Variants in CMYA5 observed in about 807,000 individuals in gnomAD.
CMYA5 encodes the protein cardiomyopathy associated 5.
Under a neutral mutation model 318.9 loss-of-function variants are expected in CMYA5, and 246 were observed. The observed-to-expected ratio is 0.77, with a 90% CI of 0.70 to 0.86. CMYA5 has a LOEUF of 0.86. Among genes scored for constraint, CMYA5 ranks in the 40% least tolerant of loss-of-function variants. CMYA5 has a pLI of 0.00. For missense variants in CMYA5, 4,589 were observed against 4,678.2 expected (o/e 0.98, Z 0.56); for synonymous variants, 1,641 against 1,729.5 (o/e 0.95, Z 1.27).
intron 5 of CMYA5, among the ~76,000 whole-genome samples, chr5:79,747,759 C>A (rs1237029109): frequency 6.6e-6 from 1 of 152,212 alleles, no homozygotes; most frequent in African/African-American, 2.4e-5. Flanking sequence ...TCCAACAGAT[C>A]TGACACGTTC....
At chr5:79,763,236 C>T in intron 9 of CMYA5, 27 bp downstream of exon 9, 1 of 1,554,102 alleles carries the variant, frequency 6.4e-7, no homozygotes, top group Non-Finnish European at 8.7e-7. Flanking sequence ...ATGGGAGAGA[C>T]TGCCCAGAGC....
Position 79,770,253 on chromosome 5 carries a change from AT to A in CMYA5, c.11555+7045del, listed in dbSNP as rs1408939426. Among the ~76,000 whole-genome samples, 480 of 152,190 alleles carry A rather than the reference AT, an allele frequency of 3.2e-3. 1 individual carries two copies. Among genetic ancestry groups the A allele is most frequent in the African/African-American group, 0.011 (457 of 41,514 alleles). On this transcript the variant is annotated intron_variant, in intron 9 of 12. Transcript: ENST00000446378. ...GCTTGCTGGGCTCCTTGGGGGTGGG[AT>A]CCACTGAGCTAGACCACTTGGCTCC... is the stretch of plus-strand genomic sequence containing the variant.
intron 11 of CMYA5, among the ~76,000 whole-genome samples, chr5:79,792,407 T>C (rs547642440): frequency 5.9e-5 from 9 of 152,310 alleles, no homozygotes; most frequent in Admixed American, 4.6e-4. Context: ...ATAAATAGAC[T>C]GGAGGAGGGT....
chr5:79,705,568 C>T (rs758998786), intron 1 of CMYA5, among the ~76,000 whole-genome samples: 2 of 152,012 alleles, frequency 1.3e-5, no homozygotes, highest in South Asian at 2.1e-4. Flanking sequence ...CTTTTATTTC[C>T]CACCCACACA....
chr5:79,796,094 C>G lies in CMYA5; in HGVS notation c.11963+2484C>G, dbSNP rs552411662. On this transcript the variant is annotated intron_variant, in intron 12 of 12. Transcript: ENST00000446378. ...GGAATACCTTTCCCTACTTGGCCTC[C>G]CAGGTAGGGATTGGCTCAAGGAATG... Among the ~76,000 whole-genome samples, 173 of 77,426 alleles carry G rather than the reference C, an allele frequency of 2.2e-3. 1 individual carries two copies. The East Asian group carries it at 0.041, about 18-fold the overall frequency. 50.8% of individuals were successfully genotyped at this position (77,426 alleles called of 152,430 possible).
chr5:79,765,324 C>T (rs1020120874), intron 9 of CMYA5, among the ~76,000 whole-genome samples: 3 of 152,038 alleles, frequency 2.0e-5, no homozygotes, highest in Admixed American at 1.3e-4. Context: ...TTTCTGAGGC[C>T]TCTGTTCTGT....
At position 79,735,201 on chromosome 5, in the gene CMYA5, CCAGAGTCACCTGAGGTGACA is replaced by C; in HGVS notation, c.6439_6458del (p.Glu2147LysfsTer10). The C allele has an allele frequency of 6.2e-7, 1 of 1,613,800 alleles. No homozygotes were observed. The highest frequency in any genetic ancestry group is 8.5e-7 in the Non-Finnish European group (1 of 1,179,796). ...AATCCATGCAAGAGAGCCTCAATCC[CCAGAGTCACCTGAGGTGACA>C]CAAAATCCACCTACACAACCAAAGG... On this transcript the variant is annotated frameshift_variant, in exon 2 of 13. Coordinates refer to ENST00000446378, the MANE Select transcript of CMYA5 (RefSeq NM_153610.5). LOFTEE classifies it high-confidence loss of function.
In CMYA5 at chr5:79,771,092, CT is replaced by C. The variant is rs1200549627; in HGVS notation, c.11555+7887del. ...GGAAAAAAAAAAAAAAAAAACCAGACTTTTATTGAGCATTTACTATGTGCCA... is the reference window on the plus strand; with the variant it reads ...GGAAAAAAAAAAAAAAAAAACCAGACTTTATTGAGCATTTACTATGTGCCA... On this transcript the variant is annotated intron_variant, in intron 9 of 12. Coordinates refer to ENST00000446378, the MANE Select transcript of CMYA5 (RefSeq NM_153610.5). 1.7e-4 allele frequency among the ~76,000 whole-genome samples: 25 copies of C among 150,384 alleles called. No individual in the cohort carries two copies. The East Asian group carries it at 4.9e-3, about 30-fold the overall frequency.
Position 79,745,361 on chromosome 5 carries a change from T to C in CMYA5, c.10874T>C (p.Met3625Thr), listed in dbSNP as rs1265464336. ...AAGATGGAGTTCCTGCATGAGCAGA[T>C]GGTCCACTTTCTGCAGAGCATGGAC... ...KKKMEFLHEQ[M>T]VHFLQSMDTA... Residue 3625 changes from methionine to threonine, a missense_variant, in exon 4 of 13, where the codon ATG (methionine) becomes ACG (threonine). By Grantham distance (81) the Met-to-Thr change is moderately conservative. Around this residue, in one of 3 missense-constraint regions of CMYA5, gnomAD observed 2,431 missense variants for 2,495.1 expected, o/e 0.97. Transcript: ENST00000446378. 7 of 1,613,788 alleles carry C rather than the reference T, an allele frequency of 4.3e-6. No homozygotes were observed. Among genetic ancestry groups the C allele is most frequent in the Non-Finnish European group, 5.9e-6 (7 of 1,179,828 alleles).
intron 1 of CMYA5, among the ~76,000 whole-genome samples, chr5:79,703,567 G>A (rs1827212774): frequency 6.6e-6 from 1 of 152,170 alleles, no homozygotes; most frequent in South Asian, 2.1e-4. Flanking sequence ...CTCCTTTGGA[G>A]AATTGTCACC....
chr5:79,702,856 C>G (rs1827198486), intron 1 of CMYA5, among the ~76,000 whole-genome samples: 1 of 152,184 alleles, frequency 6.6e-6, no homozygotes, highest in African/African-American at 2.4e-5. Context: ...TGTGCTATTG[C>G]CACATCCACA....
chr5:79,736,307 A>G lies in CMYA5; in HGVS notation c.7542A>G (p.Pro2514=). The G allele has an allele frequency of 6.2e-7, 1 of 1,613,676 alleles. No individual in the cohort carries two copies. The highest frequency in any genetic ancestry group is 1.1e-5 in the South Asian group (1 of 91,056). The part of the protein sequence containing the change: ...ELKESKADAM[P]QHFYQNEDYN... ...AAGAATCAAAAGCCGATGCTATGCC[A>G]CAGCACTTCTATCAAAATGAAGACT... Residue 2514 remains proline, a synonymous_variant, in exon 2 of 13, where the codon CCA becomes CCG. Coordinates refer to ENST00000446378, the MANE Select transcript of CMYA5 (RefSeq NM_153610.5).
chr5:79,777,665 C>A (rs1309002463), intron 9 of CMYA5, among the ~76,000 whole-genome samples: 1 of 152,018 alleles, frequency 6.6e-6, no homozygotes, highest in African/African-American at 2.4e-5. Context: ...ATCCCAGCTA[C>A]TTGGGAGGCT....
At chr5:79,767,296 A>G (rs181787961) in intron 9 of CMYA5, among the ~76,000 whole-genome samples, 341 of 152,062 alleles carry the variant, frequency 2.2e-3, no homozygotes, top group African/African-American at 7.9e-3. Flanking sequence ...TCATGTCTCT[A>G]TCTCCTTCAG....
chr5:79,714,286 T>G (rs181710954), intron 1 of CMYA5, among the ~76,000 whole-genome samples: 1 of 152,104 alleles, frequency 6.6e-6, no homozygotes, highest in African/African-American at 2.4e-5. Context: ...ATTTTTATCT[T>G]GCAAAACCTC....
intron 1 of CMYA5, among the ~76,000 whole-genome samples, chr5:79,717,882 C>CTTTTTTTTT (rs1827548657): frequency 4.7e-5 from 5 of 105,382 alleles, no homozygotes; most frequent in African/African-American, 3.0e-4. Context: ...TTAACCTAAG[C>CTTTTTTTTT]TATTTTTTTT....
At chr5:79,721,663 G>A (rs1827642384) in intron 1 of CMYA5, among the ~76,000 whole-genome samples, 1 of 152,060 alleles carries the variant, frequency 6.6e-6, no homozygotes, top group Admixed American at 6.6e-5. Context: ...CTGGCATAAT[G>A]CTATTAATAT....
rs187206624 is a variant in CMYA5 at position 79,787,783 on chromosome 5, G to C, written c.11556-1188G>C. 9.8e-5 allele frequency among the ~76,000 whole-genome samples: 15 copies of C among 152,306 alleles called. No homozygotes were observed. In the East Asian group the frequency reaches 2.9e-3, roughly 29 times the overall value. ...TTAGACATGGGGTCAGGGTGGGGTG[G>C]TTATTCTGTACAAATGTTTTGCTTT... is the stretch of plus-strand genomic sequence containing the variant. On this transcript the variant is annotated intron_variant, in intron 9 of 12. Coordinates refer to ENST00000446378, the MANE Select transcript of CMYA5 (RefSeq NM_153610.5).
intron 1 of CMYA5, among the ~76,000 whole-genome samples, chr5:79,719,079 T>C (rs1460809211): frequency 5.9e-5 from 3 of 50,798 alleles, no homozygotes; most frequent in African/African-American, 3.4e-4. Flanking sequence ...GAGAACCCAT[T>C]TCACTTCTTC....
Sources: gnomAD v4.1 joint callset for allele counts (sites outside exome capture counted in the v4.1 genomes callset) on GRCh38, gnomAD v4.1.1 for gene constraint, gnomAD v4.1.1 regional missense constraint, MANE v1.5 for transcripts, NCBI Gene and HGNC (gene_info 2026-07-23, HGNC 2026-07-21) for gene names.